The following PRICKLE2 variants were observed in gnomAD, a reference collection of about 807,000 sequenced individuals.
PRICKLE2 encodes the protein prickle-like protein 2.
A neutral mutation model predicts 81.4 loss-of-function variants in PRICKLE2; 21 were observed. That is an observed-to-expected ratio of 0.26 (90% CI 0.18 to 0.37). PRICKLE2 has a LOEUF of 0.37. PRICKLE2 is among the 10% of genes least tolerant of loss of function. The pLI is 1.00. For missense variants in PRICKLE2, 940 were observed against 1,109.0 expected (o/e 0.85, Z 2.16); for synonymous variants, 456 against 421.5 (o/e 1.08, Z -1.00).
intron 2 of PRICKLE2, among the ~76,000 whole-genome samples, chr3:64,188,951 A>C (rs1366137381): frequency 6.6e-6 from 1 of 152,124 alleles, no homozygotes; most frequent in Non-Finnish European, 1.5e-5. Context: ...TCGGTCTCTG[A>C]ATGTGTCTTG....
intron 7 of PRICKLE2, among the ~76,000 whole-genome samples, chr3:64,138,996 G>A (rs1385865362): frequency 6.6e-6 from 1 of 152,234 alleles, no homozygotes; most frequent in Non-Finnish European, 1.5e-5. Flanking sequence ...GAAATGTTTT[G>A]CATTGCAAGG....
chr3:64,117,173 A>G (rs2076947895), intron 7 of PRICKLE2, among the ~76,000 whole-genome samples: 1 of 152,224 alleles, frequency 6.6e-6, no homozygotes, highest in African/African-American at 2.4e-5. Flanking sequence ...AAAACTTTCA[A>G]TAAACTAGGT....
intron 2 of PRICKLE2, among the ~76,000 whole-genome samples, chr3:64,189,840 C>T (rs2078300131): frequency 6.6e-6 from 1 of 152,142 alleles, no homozygotes; most frequent in Non-Finnish European, 1.5e-5. Context: ...AAGATGTCAC[C>T]TCTGTAGTCA....
chr3:64,252,499 A>G (rs2079462350), intron 2 of PRICKLE2, among the ~76,000 whole-genome samples: 2 of 152,194 alleles, frequency 1.3e-5, no homozygotes, highest in Non-Finnish European at 2.9e-5. Flanking sequence ...CATCATCCCA[A>G]CATCGATTCT....
At chr3:64,139,486 C>T (rs544769962) in intron 7 of PRICKLE2, among the ~76,000 whole-genome samples, 99 of 152,352 alleles carry the variant, frequency 6.5e-4, no homozygotes, top group African/African-American at 2.2e-3. Flanking sequence ...CATTAACCTT[C>T]ACCTCTAGCC....
intron 7 of PRICKLE2, among the ~76,000 whole-genome samples, chr3:64,115,721 G>C (rs1316606133): frequency 6.6e-6 from 1 of 152,144 alleles, no homozygotes; most frequent in African/African-American, 2.4e-5. Context: ...GACCTTCAAA[G>C]AGATTTAGAC....
At position 64,097,417 on chromosome 3, in the gene PRICKLE2, T is replaced by C. The variant is rs2076586544; in HGVS notation, c.*1634A>G. 6.6e-6 allele frequency: 1 copy of C among 152,526 alleles called. No homozygotes were observed. The highest frequency in any genetic ancestry group is 1.5e-5 in the Non-Finnish European group (1 of 68,036). 9.4% of individuals were successfully genotyped at this position (152,526 alleles called of 1,614,324 possible). Reference sequence around the variant, plus strand: ...CCACTGAGATACACCGGGCACTACATCGACAGTACATCTCACTACAGGTGG... The same window carrying C: ...CCACTGAGATACACCGGGCACTACACCGACAGTACATCTCACTACAGGTGG... On this transcript the variant is annotated 3_prime_UTR_variant, in exon 8 of 8. Transcript: ENST00000638394.
At chr3:64,178,368 T>C (rs1475924780) in intron 2 of PRICKLE2, among the ~76,000 whole-genome samples, 1 of 152,212 alleles carries the variant, frequency 6.6e-6, no homozygotes, top group Non-Finnish European at 1.5e-5. Context: ...GGGGGCTCCA[T>C]ATGGAGATAT....
At chr3:64,217,311 A>G (rs1179020493) in intron 1 of PRICKLE2, among the ~76,000 whole-genome samples, 1 of 152,202 alleles carries the variant, frequency 6.6e-6, no homozygotes, top group African/African-American at 2.4e-5. Context: ...TAAAACTTTA[A>G]TTTACCAAAA....
chr3:64,146,765 G>A (rs1019667399), intron 7 of PRICKLE2, 65 bp downstream of exon 7: 1 of 1,577,614 alleles, frequency 6.3e-7, no homozygotes, highest in Non-Finnish European at 8.7e-7. Flanking sequence ...AATTCCTGGG[G>A]ACCAGCATCC....
At chr3:64,187,633 G>A (rs1479109940) in intron 2 of PRICKLE2, 1 of 152,210 alleles carries the variant, frequency 6.6e-6, no homozygotes, top group Non-Finnish European at 1.5e-5. Context: ...TTTTATGGGG[G>A]TTTTAGAAGG....
chr3:64,143,144 T>A (rs2077389949), intron 7 of PRICKLE2, among the ~76,000 whole-genome samples: 2 of 152,242 alleles, frequency 1.3e-5, no homozygotes, highest in South Asian at 4.1e-4. Flanking sequence ...CACAGGAGGC[T>A]ATTGAAATTT....
intron 1 of PRICKLE2, among the ~76,000 whole-genome samples, chr3:64,221,880 T>C (rs696234): frequency 0.93 from 141,788 of 152,224 alleles, 66,137 homozygotes; most frequent in South Asian, 0.98. Flanking sequence ...AAATTCAGAG[T>C]GTTTGGAACT....
chr3:64,177,283 T>C (rs924395763), intron 2 of PRICKLE2, among the ~76,000 whole-genome samples: 3 of 151,530 alleles, frequency 2.0e-5, no homozygotes, highest in African/African-American at 7.3e-5. Context: ...TTACAGGCAC[T>C]CACCACCACA....
intron 7 of PRICKLE2, among the ~76,000 whole-genome samples, chr3:64,125,941 T>C (rs1034572938): frequency 1.3e-5 from 2 of 152,018 alleles, no homozygotes; most frequent in African/African-American, 4.8e-5. Context: ...TTACAAAACA[T>C]TATCATGAGT....
chr3:64,223,573 C>T (rs144880979), intron 1 of PRICKLE2, among the ~76,000 whole-genome samples: 2,009 of 152,278 alleles, frequency 0.013, 16 homozygotes, highest in South Asian at 0.037. Context: ...CTGGCTGCCC[C>T]GTGAATCTTT....
At chr3:64,254,147 A>T (rs1472693168) in intron 2 of PRICKLE2, among the ~76,000 whole-genome samples, 1 of 152,332 alleles carries the variant, frequency 6.6e-6, no homozygotes, top group Admixed American at 6.5e-5. Context: ...TTAATGCAAC[A>T]ATTTGATAAA....
At chr3:64,187,392 C>T (rs898377162) in intron 2 of PRICKLE2, among the ~76,000 whole-genome samples, 1 of 152,310 alleles carries the variant, frequency 6.6e-6, no homozygotes, top group African/African-American at 2.4e-5. Context: ...CCTGCCCTGC[C>T]CCCTTCTTCC....
At position 64,099,487 on chromosome 3, in the gene PRICKLE2, T is replaced by A; in HGVS notation, c.2099A>T (p.His700Leu). 1 of 1,590,944 alleles carries A rather than the reference T, an allele frequency of 6.3e-7. No homozygotes were observed. Among genetic ancestry groups the A allele is most frequent in the Non-Finnish European group, 8.6e-7 (1 of 1,164,000 alleles). The change falls in exon 8 of 8, where the codon CAC (histidine) becomes CTC (leucine). Residue 700 changes from histidine (H) to leucine (L), a missense_variant. By Grantham distance (99) the His-to-Leu change is moderately conservative. Transcript: ENST00000638394. This position sits in a 1 kb window ranked among gnomAD's most constrained non-coding sequence, Gnocchi z 4.3. Reference sequence around the variant, plus strand: ...GATGGCCTCGCGTTCGCTGGCCAGGTGGAGGGCGTTGTCGGAGCGAGAGCG... The same window carrying A: ...GATGGCCTCGCGTTCGCTGGCCAGGAGGAGGGCGTTGTCGGAGCGAGAGCG... ...SRRSRSDNAL[H>L]LASEREAISR... is the part of the protein sequence containing the mutation.
Sources: gnomAD v4.1 joint callset for allele counts (sites outside exome capture counted in the v4.1 genomes callset) on GRCh38, gnomAD v4.1.1 for gene constraint, Gnocchi (gnomAD v3.1) non-coding constraint, MANE v1.5 for transcripts, NCBI Gene and HGNC (gene_info 2026-07-23, HGNC 2026-07-21) for gene names.